The following MKLN1 variants were observed in gnomAD, a reference collection of about 807,000 sequenced individuals.
MKLN1 encodes muskelin.
A neutral mutation model predicts 99.0 loss-of-function variants in MKLN1; 18 were observed. That is an observed-to-expected ratio of 0.18 (90% CI 0.13 to 0.27). The LOEUF (loss-of-function observed/expected upper bound fraction) is 0.27, where lower values mean the gene tolerates loss of function less well. Among genes scored for constraint, MKLN1 ranks in the 10% least tolerant of loss-of-function variants. The pLI is 1.00. For synonymous variants in MKLN1, 288 were observed against 293.2 expected (o/e 0.98, Z 0.18); for missense variants, 621 against 875.9 (o/e 0.71, Z 3.67).
chr7:131,294,326 A>C (rs1798260586), intron 3 of MKLN1, among the ~76,000 whole-genome samples: 1 of 152,218 alleles, frequency 6.6e-6, no homozygotes, highest in African/African-American at 2.4e-5. Flanking sequence ...CTTACTTTCT[A>C]ATGCTTCAAC....
At chr7:131,420,576 G>A (rs1020391599) in intron 8 of MKLN1, among the ~76,000 whole-genome samples, 2 of 152,316 alleles carry the variant, frequency 1.3e-5, no homozygotes, top group African/African-American at 2.4e-5. Context: ...TGTCAAGTAA[G>A]CAGTTGGATA....
intron 2 of MKLN1, among the ~76,000 whole-genome samples, chr7:131,174,998 G>GATAC (rs879317617): frequency 7.1e-4 from 107 of 151,384 alleles, no homozygotes; most frequent in Non-Finnish European, 1.2e-3. Context: ...TAGATAGATA[G>GATAC]ATAGATAGAT....
In MKLN1 at chr7:131,433,239, A is replaced by G. The variant is rs190726022; in HGVS notation, c.960+4094A>G. On this transcript the variant is annotated intron_variant, in intron 9 of 17. Coordinates refer to ENST00000352689, the MANE Select transcript of MKLN1 (RefSeq NM_013255.5). ...AAAGAGTACAGGGCAGTTGTTTTTT[A>G]GAGTATCCTTCAACTGGGTTTGTAT... is the stretch of plus-strand genomic sequence containing the variant. Among the ~76,000 whole-genome samples, 8 of 152,290 alleles carry G rather than the reference A, an allele frequency of 5.3e-5. No homozygotes were observed. In the East Asian group the frequency reaches 1.5e-3, roughly 29 times the overall value.
At chr7:131,387,339 G>T in intron 3 of MKLN1, 77 bp downstream of exon 3, 2 of 1,352,612 alleles carry the variant, frequency 1.5e-6, no homozygotes, top group South Asian at 1.5e-5. Context: ...TAATCTGCAT[G>T]GTTTGATTTT....
At chr7:131,151,804 TACAA>T (rs925059232) in intron 2 of MKLN1, among the ~76,000 whole-genome samples, 3 of 152,186 alleles carry the variant, frequency 2.0e-5, no homozygotes, top group African/African-American at 4.8e-5. Flanking sequence ...TATGCACGCA[TACAA>T]ACACACACAT....
chr7:131,317,168 T>C (rs1475160311), intron 3 of MKLN1, among the ~76,000 whole-genome samples: 4 of 151,832 alleles, frequency 2.6e-5, no homozygotes, highest in East Asian at 1.9e-4. Flanking sequence ...TTCCCAAACA[T>C]TGAAACGAAG....
intron 1 of MKLN1, among the ~76,000 whole-genome samples, chr7:131,136,773 G>T (rs560540820): frequency 4.6e-5 from 7 of 152,234 alleles, no homozygotes; most frequent in African/African-American, 1.7e-4. Context: ...CTTTGCCCAC[G>T]CTGTTCCCTG....
At chr7:131,379,541 A>G (rs1181449409) in intron 2 of MKLN1, among the ~76,000 whole-genome samples, 1 of 152,230 alleles carries the variant, frequency 6.6e-6, no homozygotes, top group Admixed American at 6.5e-5. Flanking sequence ...AAGCACAGAT[A>G]GAAAAGATGA....
chr7:131,326,024 T>G (rs1798881341), upstream of MKLN1, among the ~76,000 whole-genome samples: 1 of 152,086 alleles, frequency 6.6e-6, no homozygotes, highest in Admixed American at 6.6e-5. Context: ...GAAGAACTAA[T>G]TAACATGTGT....
chr7:131,438,117 T>C, intron 10 of MKLN1, 120 bp downstream of exon 10: 1 of 736,496 alleles, frequency 1.4e-6, no homozygotes. Flanking sequence ...CAAATATCTA[T>C]TGACAGTAAT....
chr7:131,171,016 C>A (rs1796206609), intron 2 of MKLN1, among the ~76,000 whole-genome samples: 1 of 152,162 alleles, frequency 6.6e-6, no homozygotes, highest in African/African-American at 2.4e-5. Flanking sequence ...ACATTCCTCC[C>A]CTCAAAGATT....
chr7:131,332,279 A>AG (rs113797093), intron 1 of MKLN1, among the ~76,000 whole-genome samples: 4 of 149,776 alleles, frequency 2.7e-5, no homozygotes, highest in African/African-American at 9.7e-5. Context: ...AAGAAAAAAA[A>AG]TATATAAATA....
At chr7:131,164,784 A>T (rs527824247) in intron 2 of MKLN1, among the ~76,000 whole-genome samples, 1 of 152,322 alleles carries the variant, frequency 6.6e-6, no homozygotes, top group African/African-American at 2.4e-5. Flanking sequence ...TGGGAAAGGG[A>T]TAGGGAGCTG....
intron 3 of MKLN1, among the ~76,000 whole-genome samples, chr7:131,293,189 G>A (rs10229193): frequency 0.17 from 25,846 of 152,064 alleles, 2,299 homozygotes; most frequent in East Asian, 0.24. Context: ...AGTGTGAGAG[G>A]CTAATGGAAC....
At chr7:131,372,381 T>A (rs1438505625) in intron 1 of MKLN1, among the ~76,000 whole-genome samples, 1 of 152,056 alleles carries the variant, frequency 6.6e-6, no homozygotes. Context: ...TTAGAAAATT[T>A]GAAAAAACAC....
intron 3 of MKLN1, among the ~76,000 whole-genome samples, chr7:131,301,875 A>G (rs560895201): frequency 6.6e-6 from 1 of 152,300 alleles, no homozygotes; most frequent in South Asian, 2.1e-4. Context: ...GATAGAAGCT[A>G]TCCCACCAGC....
At chr7:131,238,015 T>A (rs932483708) in intron 3 of MKLN1, among the ~76,000 whole-genome samples, 3 of 152,074 alleles carry the variant, frequency 2.0e-5, no homozygotes, top group African/African-American at 7.2e-5. Context: ...GGCATGGTGG[T>A]GGGTGCCTAT....
intron 3 of MKLN1, among the ~76,000 whole-genome samples, chr7:131,299,590 A>G (rs777767077): frequency 2.6e-5 from 4 of 152,244 alleles, no homozygotes; most frequent in Non-Finnish European, 5.9e-5. Flanking sequence ...TTAATTTTAC[A>G]TAAACATGCT....
intron 9 of MKLN1, among the ~76,000 whole-genome samples, chr7:131,433,204 G>A (rs982836118): frequency 6.6e-6 from 1 of 152,116 alleles, no homozygotes; most frequent in South Asian, 2.1e-4. Flanking sequence ...TCTTGACTTT[G>A]ATGATTTTTA....
Sources: gnomAD v4.1 joint callset for allele counts (sites outside exome capture counted in the v4.1 genomes callset) on GRCh38, gnomAD v4.1.1 for gene constraint, MANE v1.5 for transcripts, NCBI Gene and HGNC (gene_info 2026-07-23, HGNC 2026-07-21) for gene names.